Variants in PLPP4 observed in about 807,000 individuals in gnomAD.
PLPP4 encodes phospholipid phosphatase 4.
In PLPP4, 20 loss-of-function variants were observed where a neutral mutation model predicts 32.2. That is an observed-to-expected ratio of 0.62 (90% CI 0.44 to 0.90). PLPP4 has a LOEUF of 0.90. PLPP4 is among the 40% of genes least tolerant of loss of function. The probability of loss-of-function intolerance (pLI) is 0.00; values close to 1 mark genes in which losing one functional copy is unlikely to be tolerated. For synonymous variants in PLPP4, 127 were observed against 133.0 expected (o/e 0.95, Z 0.31); for missense variants, 257 against 353.1 (o/e 0.73, Z 2.18).
At chr10:120,550,890 T>C (rs1162150877) in intron 5 of PLPP4, among the ~76,000 whole-genome samples, 3 of 151,940 alleles carry the variant, frequency 2.0e-5, no homozygotes, top group African/African-American at 7.2e-5. Context: ...AAATAAAAGA[T>C]AAATTGAACT....
intron 5 of PLPP4, among the ~76,000 whole-genome samples, chr10:120,533,797 T>C (rs1348915805): frequency 6.6e-6 from 1 of 152,184 alleles, no homozygotes; most frequent in Non-Finnish European, 1.5e-5. Flanking sequence ...TTTACCTTCT[T>C]ACCATATTTG....
Position 120,591,877 on chromosome 10 carries a change from A to G in PLPP4, c.*2375A>G, listed in dbSNP as rs960165589. Among the ~76,000 whole-genome samples, 5 of 152,248 alleles carry G rather than the reference A, an allele frequency of 3.3e-5. No individual in the cohort carries two copies. Among genetic ancestry groups the G allele is most frequent in the African/African-American group, 1.2e-4 (5 of 41,460 alleles). On this transcript the variant is annotated 3_prime_UTR_variant, in exon 7 of 7. Transcript: ENST00000398250. ...GCCATGTAAAAGCTTTGATTAAAAT[A>G]TAATTCAAATTACAGATGATGTAAT... is the stretch of plus-strand genomic sequence containing the variant.
At chr10:120,531,803 G>A (rs2133937812) in intron 5 of PLPP4, among the ~76,000 whole-genome samples, 1 of 151,104 alleles carries the variant, frequency 6.6e-6, no homozygotes, top group East Asian at 1.9e-4. Flanking sequence ...CCTTAATCAA[G>A]AACCACAGTA....
At chr10:120,459,610 G>T (rs953656490) in intron 1 of PLPP4, among the ~76,000 whole-genome samples, 1 of 152,184 alleles carries the variant, frequency 6.6e-6, no homozygotes, top group African/African-American at 2.4e-5. Context: ...GCAGCACAGG[G>T]GTTTAGAAAG....
At chr10:120,523,365 AG>A in intron 5 of PLPP4, among the ~76,000 whole-genome samples, 1 of 151,878 alleles carries the variant, frequency 6.6e-6, no homozygotes, top group South Asian at 2.1e-4. Context: ...GACTTACGGC[AG>A]AACACCCGTT....
chr10:120,462,874 C>T (rs190805698), intron 1 of PLPP4, among the ~76,000 whole-genome samples: 2 of 152,136 alleles, frequency 1.3e-5, no homozygotes, highest in African/African-American at 4.8e-5. Context: ...AGAACCCTGT[C>T]ACTAGAGTGG....
rs1167913681 is a variant in PLPP4, at chr10:120,590,927, C to A, written c.*1425C>A. On this transcript the variant is annotated 3_prime_UTR_variant, in exon 7 of 7. Coordinates refer to ENST00000398250, the MANE Select transcript of PLPP4 (RefSeq NM_001030059.3). ...AGGACTACAGGTGCCCGCCACCACA[C>A]CTGGCTAATTTTTGTATTTTTAGTA... Among the ~76,000 whole-genome samples the A allele has an allele frequency of 6.6e-6, 1 of 152,054 alleles. No individual in the cohort carries two copies. The highest frequency in any genetic ancestry group is 6.5e-5 in the Admixed American group (1 of 15,274).
chr10:120,578,791 C>T (rs1849344774), intron 6 of PLPP4, among the ~76,000 whole-genome samples: 1 of 152,202 alleles, frequency 6.6e-6, no homozygotes, highest in Non-Finnish European at 1.5e-5. Flanking sequence ...GGGATCAATA[C>T]TAAATCTCTG....
At chr10:120,505,222 C>T (rs1458703052) in intron 2 of PLPP4, among the ~76,000 whole-genome samples, 4 of 152,212 alleles carry the variant, frequency 2.6e-5, no homozygotes, top group Admixed American at 6.5e-5. Flanking sequence ...CAGGTTCTAG[C>T]GGCCAGCTCT....
intron 5 of PLPP4, among the ~76,000 whole-genome samples, chr10:120,553,877 G>A (rs1234870951): frequency 6.6e-6 from 1 of 152,184 alleles, no homozygotes; most frequent in African/African-American, 2.4e-5. Flanking sequence ...TCTCTCCTAG[G>A]GATCTAGACC....
intron 5 of PLPP4, among the ~76,000 whole-genome samples, chr10:120,530,779 A>C (rs185547366): frequency 1.3e-5 from 2 of 152,196 alleles, no homozygotes; most frequent in African/African-American, 4.8e-5. Context: ...TGGGCAATCT[A>C]TGAAAATTCC....
chr10:120,574,654 C>G (rs1417174079), intron 5 of PLPP4, among the ~76,000 whole-genome samples: 1 of 152,184 alleles, frequency 6.6e-6, no homozygotes, highest in Admixed American at 6.5e-5. Flanking sequence ...TGATCCTAGC[C>G]CCTTTACTTT....
At chr10:120,541,912 G>A (rs965516098) in intron 5 of PLPP4, among the ~76,000 whole-genome samples, 8 of 152,116 alleles carry the variant, frequency 5.3e-5, no homozygotes, top group African/African-American at 1.9e-4. Flanking sequence ...GTAGCTGAGA[G>A]ATTACAGGCG....
At chr10:120,483,744 G>A (rs1844317765) in intron 1 of PLPP4, among the ~76,000 whole-genome samples, 1 of 152,164 alleles carries the variant, frequency 6.6e-6, no homozygotes. Flanking sequence ...TAATTCCCAT[G>A]ACAGCTAGTT....
In PLPP4 at chr10:120,520,970, G is replaced by T. The variant is rs1273914332; in HGVS notation, c.321-1G>T. On this transcript the variant is annotated splice_acceptor_variant, in intron 4 of 6. Transcript: ENST00000398250. LOFTEE classifies it high-confidence loss of function. ...GAAAATGTCCATGGTGTCTTTTGTA[G>T]ACCTCGCCCCGATTTCTTTTACCGC... 1 of 1,614,022 alleles carries T rather than the reference G, an allele frequency of 6.2e-7. No homozygotes were observed. Among genetic ancestry groups the T allele is most frequent in the East Asian group, 2.2e-5 (1 of 44,864 alleles).
At chr10:120,515,277 C>T (rs555884522) in intron 3 of PLPP4, among the ~76,000 whole-genome samples, 1 of 152,338 alleles carries the variant, frequency 6.6e-6, no homozygotes, top group African/African-American at 2.4e-5. Context: ...GAGGGGAGAC[C>T]TCCCTCTTGG....
chr10:120,538,050 C>CTGTGTGTGTGTG (rs1564825186), intron 5 of PLPP4, among the ~76,000 whole-genome samples: 3 of 19,802 alleles, frequency 1.5e-4, no homozygotes, highest in African/African-American at 2.4e-4. Context: ...CTCTCTCTCT[C>CTGTGTGTGTGTG]TCTGTGTGTG....
At chr10:120,581,047 C>T (rs1849485410) in intron 6 of PLPP4, 1 of 1,287,070 alleles carries the variant, frequency 7.8e-7, no homozygotes, top group South Asian at 1.2e-5. Context: ...GCCTCAGCCC[C>T]TGGCTCACCC....
intron 2 of PLPP4, 28 bp from the exon 3 acceptor site, chr10:120,513,883 A>G: frequency 5.8e-6 from 9 of 1,562,832 alleles, no homozygotes; most frequent in Non-Finnish European, 7.9e-6. Flanking sequence ...TGATGTCCTC[A>G]TAAGGGATTG....
Sources: gnomAD v4.1 joint callset for allele counts (sites outside exome capture counted in the v4.1 genomes callset) on GRCh38, gnomAD v4.1.1 for gene constraint, MANE v1.5 for transcripts, NCBI Gene and HGNC (gene_info 2026-07-23, HGNC 2026-07-21) for gene names.